GPR155: variants seen among roughly 807,000 people sequenced by gnomAD.
GPR155 encodes the protein lysosomal cholesterol signaling protein.
Under a neutral mutation model 93.1 loss-of-function variants are expected in GPR155, and 65 were observed. The observed-to-expected ratio is 0.70, with a 90% confidence interval of 0.57 to 0.86. GPR155 has a LOEUF of 0.86. GPR155 is among the 40% of genes least tolerant of loss of function. GPR155 has a pLI of 0.00. For missense variants in GPR155, 838 were observed against 1,034.8 expected (o/e 0.81, Z 2.61); for synonymous variants, 319 against 360.1 (o/e 0.89, Z 1.29).
intron 10 of GPR155, 69 bp from the exon 11 acceptor site, chr2:174,453,910 C>T: frequency 1.9e-6 from 2 of 1,055,746 alleles, no homozygotes; most frequent in Non-Finnish European, 1.5e-6. Flanking sequence ...TTAAGAAATG[C>T]CAAAGAAAAC....
chr2:174,468,006 G>A (rs990349911), intron 5 of GPR155, among the ~76,000 whole-genome samples: 6 of 152,196 alleles, frequency 3.9e-5, no homozygotes, highest in Admixed American at 3.9e-4. Context: ...AAAGTGTTGG[G>A]ATTACAGGCA....
Position 174,455,126 on chromosome 2 carries a change from G to C in GPR155, c.1772-1285C>G, listed in dbSNP as rs59988831. Among the ~76,000 whole-genome samples, 4 of 152,154 alleles carry C rather than the reference G, an allele frequency of 2.6e-5. No individual in the cohort carries two copies. In the East Asian group the frequency reaches 7.7e-4, roughly 29 times the overall value. On this transcript the variant is annotated intron_variant, in intron 10 of 15. Coordinates refer to ENST00000392552, the MANE Select transcript of GPR155 (RefSeq NM_152529.7). The stretch of plus-strand genomic sequence containing the variant: ...ATAGATATGCTAATTACCCTGATTT[G>C]ATCATTACACAATGATCTCCAGCCT...
chr2:174,439,616 C>G (rs188098916), intron 15 of GPR155, among the ~76,000 whole-genome samples: 1 of 152,236 alleles, frequency 6.6e-6, no homozygotes, highest in Admixed American at 6.5e-5. Flanking sequence ...TGTCAATATT[C>G]TATGACATTT....
At chr2:174,460,364 G>A (rs550544249) in intron 9 of GPR155, among the ~76,000 whole-genome samples, 9 of 151,686 alleles carry the variant, frequency 5.9e-5, no homozygotes, top group East Asian at 3.9e-4. Context: ...GGGTTTCACC[G>A]TGTTAGCCAG....
At position 174,470,435 on chromosome 2, in the gene GPR155, T is replaced by C. The variant is rs781202272; in HGVS notation, c.981A>G (p.Pro327=). 2.0e-5 allele frequency: 33 copies of C among 1,613,644 alleles called. No individual in the cohort carries two copies. Among genetic ancestry groups the C allele is most frequent in the Non-Finnish European group, 2.7e-5 (32 of 1,179,732 alleles). Residue 327 remains proline, a synonymous_variant, in exon 4 of 16, where the codon CCA becomes CCG. Transcript: ENST00000392552. The part of the protein sequence containing the change: ...AFLYGVFPVA[P]GVAIFATQFN... The stretch of plus-strand genomic sequence containing the variant: ...ATTGTGTTGCAAAGATAGCCACTCC[T>C]GGTGCTACAGGAAATACACCATACA...
intron 12 of GPR155, among the ~76,000 whole-genome samples, chr2:174,446,113 C>G (rs1687115638): frequency 6.6e-6 from 1 of 151,666 alleles, no homozygotes; most frequent in Non-Finnish European, 1.5e-5. Flanking sequence ...TCAAGACCAG[C>G]CTGACCAACA....
At chr2:174,454,632 AGGAAGGAAGGAAGGAGGGAGGGAAGAAG>A (rs1687435029) in intron 10 of GPR155, among the ~76,000 whole-genome samples, 2 of 141,104 alleles carry the variant, frequency 1.4e-5, no homozygotes, top group African/African-American at 2.6e-5. Context: ...GAAAGAAGGA[AGGAAGGAAGGAAGGAGGGAGGGAAGAAG>A]GGAAGGAGGG....
intron 5 of GPR155, among the ~76,000 whole-genome samples, chr2:174,468,134 A>C (rs1336815038): frequency 6.6e-6 from 1 of 152,156 alleles, no homozygotes. Flanking sequence ...GCCAACTGAA[A>C]TGTATATGGT....
At chr2:174,447,553 T>C (rs1005447383) in intron 11 of GPR155, among the ~76,000 whole-genome samples, 1 of 146,092 alleles carries the variant, frequency 6.8e-6, no homozygotes, top group African/African-American at 2.5e-5. Context: ...GTGCATATTA[T>C]ATAAATTACA....
intron 11 of GPR155, 130 bp downstream of exon 11, chr2:174,453,607 C>A: frequency 1.8e-6 from 1 of 545,566 alleles, no homozygotes; most frequent in Admixed American, 2.7e-5. Flanking sequence ...TTGCAGTGAG[C>A]CAAGATAGCG....
chr2:174,445,005 C>A, intron 13 of GPR155, 76 bp downstream of exon 13: 1 of 740,954 alleles, frequency 1.3e-6, no homozygotes, highest in South Asian at 1.5e-5. Flanking sequence ...AATCCACTCC[C>A]CGCTTCCCCC....
intron 15 of GPR155, among the ~76,000 whole-genome samples, chr2:174,437,616 C>T (rs990882085): frequency 1.7e-5 from 2 of 118,894 alleles, no homozygotes; most frequent in Admixed American, 2.0e-4. Context: ...AAGTTTCACT[C>T]TTGTTGCCCA....
rs1243890159 is a variant in GPR155, at chr2:174,470,566, A to G, written c.861-11T>C. 15 of 1,608,654 alleles carry G rather than the reference A, an allele frequency of 9.3e-6. No individual in the cohort carries two copies. Among genetic ancestry groups the G allele is most frequent in the Non-Finnish European group, 1.3e-5 (15 of 1,178,202 alleles). On this transcript the variant is annotated splice_polypyrimidine_tract_variant and intron_variant, in intron 3 of 15. Transcript: ENST00000392552. ...AGTGGCAGCACCAGACTGAAGAAAA[A>G]AGAAAAACATCATTTACCTGATATC... is the stretch of plus-strand genomic sequence containing the variant.
At chr2:174,470,954 A>G (rs2105724816) in intron 3 of GPR155, among the ~76,000 whole-genome samples, 1 of 152,144 alleles carries the variant, frequency 6.6e-6, no homozygotes, top group Non-Finnish European at 1.5e-5. Flanking sequence ...TTCTTTCAAG[A>G]GAATCACTAA....
At chr2:174,451,894 T>C (rs1687332035) in intron 11 of GPR155, among the ~76,000 whole-genome samples, 1 of 152,128 alleles carries the variant, frequency 6.6e-6, no homozygotes. Context: ...CACGATCCTC[T>C]TGCCTTTGCC....
chr2:174,453,938 C>A (rs755608261), intron 10 of GPR155, 97 bp from the exon 11 acceptor site: 33 of 780,838 alleles, frequency 4.2e-5, no homozygotes, highest in Admixed American at 7.4e-5. Context: ...AATCCACTCA[C>A]ACACACTTCC....
At chr2:174,467,851 TC>T (rs66536305) in intron 5 of GPR155, among the ~76,000 whole-genome samples, 140,593 of 152,120 alleles carry the variant, frequency 0.92, 65,553 homozygotes, top group East Asian at 0.98. Context: ...CTCTTGTGCC[TC>T]CAGCCACCCA....
rs117715936 is a variant in GPR155 at position 174,479,866 on chromosome 2, C to A, written c.460+1631G>T. Among the ~76,000 whole-genome samples the A allele has an allele frequency of 5.3e-5, 8 of 152,280 alleles. No individual in the cohort carries two copies. The East Asian group carries it at 1.5e-3, about 29-fold the overall frequency. ...GAAATTCAATAACCTTAAAGGAACACCTATCTAGTTTCTGACTATTTGTAG... is the reference window on the plus strand; with the variant it reads ...GAAATTCAATAACCTTAAAGGAACAACTATCTAGTTTCTGACTATTTGTAG... On this transcript the variant is annotated intron_variant, in intron 2 of 15. Transcript: ENST00000392552.
chr2:174,442,042 G>A, intron 14 of GPR155, 77 bp downstream of exon 14: 1 of 809,670 alleles, frequency 1.2e-6, no homozygotes, highest in South Asian at 1.4e-5. Flanking sequence ...ACCATGCATG[G>A]CCCCATATCA....
Sources: allele counts gnomAD v4.1 joint callset (sites outside exome capture counted in the v4.1 genomes callset), GRCh38; gene constraint gnomAD v4.1.1; transcripts MANE v1.5; gene names NCBI Gene and HGNC (gene_info 2026-07-23, HGNC 2026-07-21).